Variants in UTRN observed in about 807,000 individuals in gnomAD.
UTRN encodes the protein dystrophin-related protein 1.
UTRN carries 283 observed loss-of-function variants against 463.9 expected under a neutral mutation model. The observed-to-expected ratio is 0.61, with a 90% CI of 0.55 to 0.67. The LOEUF is 0.67. Among genes scored for constraint, UTRN ranks in the 30% least tolerant of loss-of-function variants. The pLI is 0.00. For synonymous variants in UTRN, 1,442 were observed against 1,431.5 expected (o/e 1.01, Z -0.17); for missense variants, 3,922 against 4,084.3 (o/e 0.96, Z 1.08).
At position 144,286,958 on chromosome 6, in the gene UTRN, C is replaced by T. The variant is rs546551952; in HGVS notation, c.-93+1137C>T. ...GCCGCGGTTGGGAGGGTCAGTGCAG[C>T]GGTCGCCGCGGCCAGAGCGCGCGGA... is the stretch of plus-strand genomic sequence containing the variant. On this transcript the variant is annotated intron_variant, in intron 1 of 74. Coordinates refer to ENST00000367545, the MANE Select transcript of UTRN (RefSeq NM_007124.3). This position sits in a 1 kb window ranked among gnomAD's most constrained non-coding sequence, Gnocchi z 4.4. Among the ~76,000 whole-genome samples, 21 of 152,044 alleles carry T rather than the reference C, an allele frequency of 1.4e-4. No individual in the cohort carries two copies. The highest frequency in any genetic ancestry group is 2.4e-4 in the Non-Finnish European group (16 of 67,980).
chr6:144,713,901 CAA>C lies in UTRN; in HGVS notation c.7809+13659_7809+13660del, dbSNP rs766363832. Among the ~76,000 whole-genome samples, 198 of 110,166 alleles carry C rather than the reference CAA, an allele frequency of 1.8e-3. 1 individual carries two copies. The highest frequency in any genetic ancestry group is 2.9e-3 in the Admixed American group (26 of 8,940). 72.3% of individuals were successfully genotyped at this position (110,166 alleles called of 152,430 possible). ...CGCCATTGCACTCCAGCCTGGGAAACAAGAGTGAAACTCTGTCTCAAAAAAAA... is the reference window on the plus strand; with the variant it reads ...CGCCATTGCACTCCAGCCTGGGAAACGAGTGAAACTCTGTCTCAAAAAAAA... On this transcript the variant is annotated intron_variant, in intron 53 of 74. Coordinates refer to ENST00000367545, the MANE Select transcript of UTRN (RefSeq NM_007124.3).
At chr6:144,653,037 A>G (rs1268166085) in intron 51 of UTRN, among the ~76,000 whole-genome samples, 1 of 148,738 alleles carries the variant, frequency 6.7e-6, no homozygotes, top group Non-Finnish European at 1.5e-5. Context: ...ATGAAAATAG[A>G]AACACAGGCT....
At chr6:144,798,276 A>G (rs1259491300) in intron 64 of UTRN, among the ~76,000 whole-genome samples, 1 of 152,202 alleles carries the variant, frequency 6.6e-6, no homozygotes. Flanking sequence ...TGATTCATCC[A>G]TGAAAACTGT....
intron 51 of UTRN, among the ~76,000 whole-genome samples, chr6:144,649,346 G>C (rs1219285471): frequency 1.3e-5 from 2 of 152,144 alleles, no homozygotes; most frequent in Admixed American, 6.6e-5. Context: ...AAAGTTAGGA[G>C]TCAGGGCTGC....
chr6:144,410,280 T>A (rs1783770177), intron 3 of UTRN, among the ~76,000 whole-genome samples: 1 of 152,216 alleles, frequency 6.6e-6, no homozygotes, highest in Non-Finnish European at 1.5e-5. Flanking sequence ...GCCTATCTTT[T>A]GAAGGACTGC....
At chr6:144,438,509 T>G (rs966314383) in intron 11 of UTRN, among the ~76,000 whole-genome samples, 2 of 152,238 alleles carry the variant, frequency 1.3e-5, no homozygotes, top group Non-Finnish European at 2.9e-5. Context: ...GAAACAATGA[T>G]TCTGATATGA....
intron 51 of UTRN, among the ~76,000 whole-genome samples, chr6:144,611,266 A>G (rs1805493398): frequency 6.6e-6 from 1 of 152,228 alleles, no homozygotes; most frequent in Non-Finnish European, 1.5e-5. Context: ...CATCATTCCC[A>G]GTGGTAAAAA....
chr6:144,757,858 A>C, intron 57 of UTRN, 71 bp from the exon 58 acceptor site: 1 of 1,370,410 alleles, frequency 7.3e-7, no homozygotes, highest in Non-Finnish European at 1.0e-6. Context: ...TAAAATGTTC[A>C]GTTGTTTTGC....
intron 2 of UTRN, among the ~76,000 whole-genome samples, chr6:144,308,446 C>A (rs570992039): frequency 6.6e-6 from 1 of 152,070 alleles, no homozygotes; most frequent in South Asian, 2.1e-4. Context: ...TGTGCCACCA[C>A]GCCTGGCTAA....
chr6:144,373,870 A>G (rs1477662921), intron 2 of UTRN, among the ~76,000 whole-genome samples: 3 of 152,202 alleles, frequency 2.0e-5, no homozygotes, highest in Non-Finnish European at 4.4e-5. Flanking sequence ...TCTTTTCTTC[A>G]AATTACACAA....
intron 2 of UTRN, among the ~76,000 whole-genome samples, chr6:144,362,195 C>T (rs1172052560): frequency 6.6e-6 from 1 of 152,140 alleles, no homozygotes; most frequent in Admixed American, 6.5e-5. Flanking sequence ...CTGGTGTGGG[C>T]ATTCCATGCC....
chr6:144,349,209 C>T (rs1230247479), intron 2 of UTRN, among the ~76,000 whole-genome samples: 4 of 152,116 alleles, frequency 2.6e-5, no homozygotes, highest in African/African-American at 7.2e-5. Context: ...GGGGTTTCCC[C>T]GTGTTAGCCA....
At chr6:144,465,516 T>C (rs961131377) in intron 23 of UTRN, among the ~76,000 whole-genome samples, 1 of 152,234 alleles carries the variant, frequency 6.6e-6, no homozygotes, top group Non-Finnish European at 1.5e-5. Flanking sequence ...CCAGTACTTT[T>C]TTTATTTGCT....
At chr6:144,534,661 C>T (rs1223985592) in intron 43 of UTRN, among the ~76,000 whole-genome samples, 4 of 151,944 alleles carry the variant, frequency 2.6e-5, no homozygotes, top group African/African-American at 4.8e-5. Flanking sequence ...ATGACTTGAT[C>T]GATATTTATT....
At chr6:144,561,115 G>A (rs1222905568) in intron 50 of UTRN, among the ~76,000 whole-genome samples, 2 of 149,148 alleles carry the variant, frequency 1.3e-5, no homozygotes, top group East Asian at 3.9e-4. Context: ...GTTGAAATGT[G>A]TTTATAGCAC....
At chr6:144,290,316 T>A (rs1020069000) in intron 1 of UTRN, among the ~76,000 whole-genome samples, 27 of 152,328 alleles carry the variant, frequency 1.8e-4, no homozygotes, top group Admixed American at 4.6e-4. Context: ...CATTGTCATG[T>A]CTATTTAGTC....
rs59614628 is a variant in UTRN, at chr6:144,311,111, G to C, written c.79+19204G>C. Among the ~76,000 whole-genome samples, 1,274 of 152,296 alleles carry C rather than the reference G, an allele frequency of 8.4e-3. 79 individuals carry two copies. In the East Asian group the frequency reaches 0.16, roughly 19 times the overall value. ...GTGAAATGATGAGGATCTTCCTGGG[G>C]GAAGAATTCTGGCGTAAGAAGCTTT... On this transcript the variant is annotated intron_variant, in intron 2 of 74. Coordinates refer to ENST00000367545, the MANE Select transcript of UTRN (RefSeq NM_007124.3).
chr6:144,494,990 C>T (rs1433082570), intron 33 of UTRN, among the ~76,000 whole-genome samples: 4 of 152,202 alleles, frequency 2.6e-5, no homozygotes, highest in Non-Finnish European at 5.9e-5. Flanking sequence ...AAACCTTGAG[C>T]TAGATACAGA....
chr6:144,819,234 G>T (rs540962942), intron 65 of UTRN, among the ~76,000 whole-genome samples: 19 of 152,244 alleles, frequency 1.2e-4, no homozygotes, highest in Admixed American at 2.6e-4. Context: ...GCTTAATCAT[G>T]TCTCATCTCT....
Sources: gnomAD v4.1 joint callset for allele counts (sites outside exome capture counted in the v4.1 genomes callset) on GRCh38, gnomAD v4.1.1 for gene constraint, Gnocchi (gnomAD v3.1) non-coding constraint, MANE v1.5 for transcripts, NCBI Gene and HGNC (gene_info 2026-07-23, HGNC 2026-07-21) for gene names.